SEPTIN4: variants seen among roughly 807,000 people sequenced by gnomAD.
SEPTIN4 encodes the protein septin-4.
A neutral mutation model predicts 107.1 loss-of-function variants in SEPTIN4; 52 were observed. That is an observed-to-expected ratio of 0.49 (90% CI 0.39 to 0.61). The LOEUF is 0.61. Among genes scored for constraint, SEPTIN4 ranks in the 20% least tolerant of loss-of-function variants. SEPTIN4 has a pLI of 0.00. For synonymous variants in SEPTIN4, 417 were observed against 467.0 expected (o/e 0.89, Z 1.38); for missense variants, 1,048 against 1,243.5 (o/e 0.84, Z 2.36).
chr17:58,528,206 G>A (rs1179632606), intron 3 of SEPTIN4: 1 of 169,890 alleles, frequency 5.9e-6, no homozygotes, highest in Admixed American at 6.5e-5. Context: ...AGATAAGATA[G>A]CCACAGTCTT....
rs3034932 is a variant in SEPTIN4 at position 58,526,573 on chromosome 17, A to AACACACACACACACAC, written c.1911+93_1911+108dup. The AACACACACACACACAC allele has an allele frequency of 1.7e-3, 2,159 of 1,303,316 alleles. 34 individuals carry two copies. The African/African-American group carries it at 0.026, about 16-fold the overall frequency. 80.7% of individuals were successfully genotyped at this position (1,303,316 alleles called of 1,614,324 possible). A position where few individuals can be genotyped will look rare whatever the true frequency, so the allele number is the denominator to read the frequency against. On this transcript the variant is annotated intron_variant, in intron 4 of 13. Transcript: ENST00000672673. ...TAGGTCCCAGATACACACACACACA[A>AACACACACACACACAC]ACACACACACACACACACACACACA...
intron 6 of SEPTIN4, 112 bp from the exon 7 acceptor site, chr17:58,525,313 C>CT: frequency 7.7e-7 from 1 of 1,297,820 alleles, no homozygotes; most frequent in Non-Finnish European, 1.1e-6. Context: ...ACACTGCCCC[C>CT]TTCTCCACTC....
At chr17:58,522,654 C>CAA (rs1233539293) in intron 7 of SEPTIN4, among the ~76,000 whole-genome samples, 12 of 52,614 alleles carry the variant, frequency 2.3e-4, no homozygotes, top group South Asian at 1.2e-3. Context: ...CAGACTGTCA[C>CAA]AAAAAAAAAA....
chr17:58,543,189 C>T lies in SEPTIN4; in HGVS notation c.998G>A (p.Arg333His), dbSNP rs372651752. The change falls in exon 1 of 14, where the codon CGC becomes CAC. Residue 333 changes from arginine (R) to histidine (H), a missense_variant. Coordinates refer to ENST00000672673, the MANE Select transcript of SEPTIN4 (RefSeq NM_001368771.2). ...TACCCCTGGGGAGATGGTGACCCTG[C>T]GGCCAACCTCGCTGTTTCCTCGGAT... ...TPIRGNSEVG[R>H]RVTISPGVQS... 23 of 1,613,900 alleles carry T rather than the reference C, an allele frequency of 1.4e-5. No homozygotes were observed. The highest frequency in any genetic ancestry group is 8.3e-5 in the Admixed American group (5 of 59,988).
At chr17:58,525,000 T>C in intron 7 of SEPTIN4, 78 bp downstream of exon 7, 1 of 1,589,656 alleles carries the variant, frequency 6.3e-7, no homozygotes, top group Non-Finnish European at 8.6e-7. Flanking sequence ...AGTATGGATA[T>C]ATCTGGGCCT....
At position 58,521,565 on chromosome 17, in the gene SEPTIN4, A is replaced by AT; in HGVS notation, c.2550dup (p.Leu851IlefsTer73). The stretch of plus-strand genomic sequence containing the variant: ...CCCACCTTTAGGGCTTGGTCCTGCA[A>AT]TTTGAAGTCCTCATCCTCATCAGAG... On this transcript the variant is annotated frameshift_variant, in exon 10 of 14. Transcript: ENST00000672673. LOFTEE classifies it high-confidence loss of function. The surrounding 1 kb of genome is among the most constrained non-coding windows in gnomAD (Gnocchi z 6.4). 1 of 1,614,168 alleles carries AT rather than the reference A, an allele frequency of 6.2e-7. No individual in the cohort carries two copies. Among genetic ancestry groups the AT allele is most frequent in the Non-Finnish European group, 8.5e-7 (1 of 1,180,026 alleles).
At position 58,525,698 on chromosome 17, in the gene SEPTIN4, C is replaced by T; in HGVS notation, c.2089G>A (p.Glu697Lys). ...GATTGTCCTCTCCTTTCCTTACCTT[C>T]AGCACCAAGAAGTTTCCGGTCCCGG... The part of the protein sequence containing the change: ...LYRDRKLLGA[E>K]ERIMQTVEIT... The change falls in exon 6 of 14, where the codon GAA becomes AAA. Residue 697 changes from glutamate (E) to lysine (K), a missense_variant. Around this residue, in one of 2 missense-constraint regions of SEPTIN4, gnomAD observed 787 missense variants for 871.8 expected, o/e 0.90. Coordinates refer to ENST00000672673, the MANE Select transcript of SEPTIN4 (RefSeq NM_001368771.2). The T allele has an allele frequency of 6.2e-7, 1 of 1,613,908 alleles. No individual in the cohort carries two copies. The highest frequency in any genetic ancestry group is 1.3e-5 in the African/African-American group (1 of 75,042).
At position 58,521,928 on chromosome 17, in the gene SEPTIN4, G is replaced by T. The variant is rs1354737785; in HGVS notation, c.2351+39C>A. 1.2e-5 allele frequency: 19 copies of T among 1,614,144 alleles called. No individual in the cohort carries two copies. In the East Asian group the frequency reaches 4.2e-4, roughly 36 times the overall value. On this transcript the variant is annotated intron_variant, in intron 8 of 13. Transcript: ENST00000672673. This position sits in a 1 kb window ranked among gnomAD's most constrained non-coding sequence, Gnocchi z 6.4. ...GTGCTCTTGGCCTGTTCCCTTGACA[G>T]CACCCGGTGGTGCCAGGAGCCTCAG... is the stretch of plus-strand genomic sequence containing the variant.
intron 3 of SEPTIN4, chr17:58,529,299 T>C (rs2043252225): frequency 1.3e-6 from 2 of 1,564,878 alleles, no homozygotes; most frequent in Non-Finnish European, 1.7e-6. Context: ...GGCTTGCTCC[T>C]TTCCCTTTCT....
At chr17:58,523,369 C>CAAAA (rs375194184) in intron 7 of SEPTIN4, among the ~76,000 whole-genome samples, 1 of 95,526 alleles carries the variant, frequency 1.0e-5, no homozygotes, top group African/African-American at 3.8e-5. Flanking sequence ...GAACCAGTCT[C>CAAAA]AAAAAAAAAA....
Position 58,525,366 on chromosome 17 carries a change from T to C in SEPTIN4, c.2093-165A>G, listed in dbSNP as rs536317025. On this transcript the variant is annotated intron_variant, in intron 6 of 13. Coordinates refer to ENST00000672673, the MANE Select transcript of SEPTIN4 (RefSeq NM_001368771.2). ...CTGTTCTCTGGGAACCAGCAAGGAG[T>C]ACATTTCCCAACACAGGAAATGCCG... 8.6e-6 allele frequency: 7 copies of C among 810,904 alleles called. No homozygotes were observed. The South Asian group carries it at 1.2e-4, about 14-fold the overall frequency. The allele number at this position is 810,904 out of a possible 1,614,324, so 50.2% of individuals were successfully genotyped here.
chr17:58,522,130 C>T, intron 7 of SEPTIN4, 29 bp from the exon 8 acceptor site: 1 of 1,613,130 alleles, frequency 6.2e-7, no homozygotes. Flanking sequence ...AGCAGAGAAA[C>T]TGTGAGAGTG....
intron 2 of SEPTIN4, 166 bp downstream of exon 2, chr17:58,541,756 G>A (rs2043880598): frequency 6.3e-7 from 1 of 1,577,526 alleles, no homozygotes; most frequent in Admixed American, 1.8e-5. Flanking sequence ...TGACTCTAAT[G>A]GTGAAATTTT....
At chr17:58,525,967 A>T in intron 5 of SEPTIN4, 186 bp from the exon 6 acceptor site, 2 of 916,144 alleles carry the variant, frequency 2.2e-6, no homozygotes, top group Non-Finnish European at 3.2e-6. Context: ...GAGATTGCCC[A>T]GGGTCACACA....
Position 58,521,119 on chromosome 17 carries a change from T to G in SEPTIN4, c.2710A>C (p.Met904Leu). Residue 904 changes from methionine (M) to leucine (L), a missense_variant, in exon 12 of 14, where the codon ATG becomes CTG. Physicochemically the swap from Met to Leu is conservative, Grantham distance 15 (BLOSUM62 2). This residue lies in a region of SEPTIN4 where 261 missense variants were observed against 371.7 expected (regional missense o/e 0.70). Transcript: ENST00000672673. This position sits in a 1 kb window ranked among gnomAD's most constrained non-coding sequence, Gnocchi z 6.4. Reference protein sequence around the residue: ...GHCDFVKLRTMLVRTHMQDLK... With the variant: ...GHCDFVKLRTLLVRTHMQDLK... ...TCCTGCATGTGGGTACGTACCAGCA[T>G]TGTCCTCAGCTTCACAAAGTCGCAG... 1 of 1,614,168 alleles carries G rather than the reference T, an allele frequency of 6.2e-7. No individual in the cohort carries two copies. Among genetic ancestry groups the G allele is most frequent in the Non-Finnish European group, 8.5e-7 (1 of 1,180,026 alleles).
chr17:58,524,204 A>C (rs1257675513), intron 7 of SEPTIN4, among the ~76,000 whole-genome samples: 1 of 152,114 alleles, frequency 6.6e-6, no homozygotes, highest in Admixed American at 6.5e-5. Context: ...ACCATTACCT[A>C]AGCTGGAGGT....
In SEPTIN4 at chr17:58,544,106, AG is replaced by A; in HGVS notation, c.80del (p.Pro27LeufsTer20). ...CAAGAACGTACCCATGTCCCTGCTGAGGGGATGTGTTAGTAGTAACCTCAGA... is the reference window on the plus strand; with the variant it reads ...CAAGAACGTACCCATGTCCCTGCTGAGGGATGTGTTAGTAGTAACCTCAGA... ...RGSEVTTNTS[P>X]QQGHGYVLAS... On this transcript the variant is annotated frameshift_variant, in exon 1 of 14. Transcript: ENST00000672673. LOFTEE classifies it high-confidence loss of function. The A allele has an allele frequency of 6.2e-7, 1 of 1,614,016 alleles. No homozygotes were observed. Among genetic ancestry groups the A allele is most frequent in the Non-Finnish European group, 8.5e-7 (1 of 1,179,976 alleles).
In SEPTIN4 at chr17:58,521,940, G is replaced by C. The variant is rs1369113960; in HGVS notation, c.2351+27C>G. The stretch of plus-strand genomic sequence containing the variant: ...TGTTCCCTTGACAGCACCCGGTGGT[G>C]CCAGGAGCCTCAGGCTTGGACCATA... On this transcript the variant is annotated intron_variant, in intron 8 of 13. Transcript: ENST00000672673. This position sits in a 1 kb window ranked among gnomAD's most constrained non-coding sequence, Gnocchi z 6.4. 1 of 1,614,090 alleles carries C rather than the reference G, an allele frequency of 6.2e-7. No homozygotes were observed.
chr17:58,543,364 G>C lies in SEPTIN4; in HGVS notation c.823C>G (p.Leu275Val), dbSNP rs1241263173. ...CCATCAGAATCTTTAAGGACAGAGA[G>C]TTTGAGCAATGAGTCCAAGTTCATA... ...RNMNLDSLLK[L>V]SVLKDSDGVH... The change falls in exon 1 of 14, where the codon CTC becomes GTC. Residue 275 changes from leucine to valine, a missense_variant. Around this residue, in one of 2 missense-constraint regions of SEPTIN4, gnomAD observed 787 missense variants for 871.8 expected, o/e 0.90. Coordinates refer to ENST00000672673, the MANE Select transcript of SEPTIN4 (RefSeq NM_001368771.2). 1.2e-6 allele frequency: 2 copies of C among 1,614,082 alleles called. No homozygotes were observed. The highest frequency in any genetic ancestry group is 1.7e-6 in the Non-Finnish European group (2 of 1,180,038).
Sources: gnomAD v4.1 joint callset for allele counts (sites outside exome capture counted in the v4.1 genomes callset) on GRCh38, gnomAD v4.1.1 for gene constraint, gnomAD v4.1.1 regional missense constraint, Gnocchi (gnomAD v3.1) non-coding constraint, MANE v1.5 for transcripts, NCBI Gene and HGNC (gene_info 2026-07-23, HGNC 2026-07-21) for gene names.